Variants in FUBP3 observed in about 807,000 individuals in gnomAD.
FUBP3 encodes far upstream element binding protein 3, also known as far upstream element-binding protein 3.
Under a neutral mutation model 85.6 loss-of-function variants are expected in FUBP3, and 28 were observed. The ratio of observed to expected loss-of-function variants is 0.33; its 90% CI spans 0.24 to 0.45. The LOEUF (loss-of-function observed/expected upper bound fraction) is 0.45. Among genes scored for constraint, FUBP3 ranks in the 20% least tolerant of loss-of-function variants. The pLI is 1.00. For missense variants in FUBP3, 583 were observed against 755.1 expected (o/e 0.77, Z 2.67); for synonymous variants, 271 against 271.4 (o/e 1.00, Z 0.01).
At chr9:130,615,960 A>G (rs558281875) in intron 6 of FUBP3, among the ~76,000 whole-genome samples, 3 of 152,292 alleles carry the variant, frequency 2.0e-5, no homozygotes, top group Admixed American at 6.5e-5. Context: ...TAACAAATGT[A>G]TATATTGAGT....
chr9:130,612,882 A>G lies in FUBP3; in HGVS notation c.275-74A>G, dbSNP rs1344543491. 16 of 1,019,334 alleles carry G rather than the reference A, an allele frequency of 1.6e-5. No homozygotes were observed. The highest frequency in any genetic ancestry group is 3.6e-5 in the Admixed American group (2 of 56,118). 63.1% of individuals were successfully genotyped at this position (1,019,334 alleles called of 1,614,324 possible). On this transcript the variant is annotated intron_variant, in intron 4 of 18. Transcript: ENST00000319725. This position sits in a 1 kb window ranked among gnomAD's most constrained non-coding sequence, Gnocchi z 4.1. ...TGAGCCAAGTGTCACAGTTTGTGGA[A>G]TTAATTCAGTCATTCCTGCGTGGTG...
chr9:130,635,702 G>A lies in FUBP3; in HGVS notation c.1583-297G>A, dbSNP rs1830389645. Among the ~76,000 whole-genome samples, 1 of 148,610 alleles carries A rather than the reference G, an allele frequency of 6.7e-6. No homozygotes were observed. Among genetic ancestry groups the A allele is most frequent in the Non-Finnish European group, 1.5e-5 (1 of 67,388 alleles). On this transcript the variant is annotated intron_variant, in intron 17 of 18. Transcript: ENST00000319725. The surrounding 1 kb of genome is among the most constrained non-coding windows in gnomAD (Gnocchi z 4.3). ...CCCCAGGATCCCCCCTTCTCTGTCT[G>A]TCACAGGGCCCTGGGAGCTGAAGGG... is the stretch of plus-strand genomic sequence containing the variant.
chr9:130,582,324 C>T (rs1428659975), intron 1 of FUBP3, among the ~76,000 whole-genome samples: 2 of 152,014 alleles, frequency 1.3e-5, no homozygotes, highest in Non-Finnish European at 2.9e-5. Flanking sequence ...TGGTGGCCCA[C>T]CCCTGCAGTC....
Position 130,612,164 on chromosome 9 carries a change from T to C in FUBP3, c.225-292T>C, listed in dbSNP as rs1019539966. Among the ~76,000 whole-genome samples, 1 of 152,088 alleles carries C rather than the reference T, an allele frequency of 6.6e-6. No individual in the cohort carries two copies. Among genetic ancestry groups the C allele is most frequent in the Non-Finnish European group, 1.5e-5 (1 of 68,018 alleles). ...GGCAGAATGAGGCAACACTGAGAGG[T>C]GCTGTATGAAGAAAAGGCAGCTGTT... On this transcript the variant is annotated intron_variant, in intron 3 of 18. Transcript: ENST00000319725. The surrounding 1 kb of genome is among the most constrained non-coding windows in gnomAD (Gnocchi z 4.1).
chr9:130,614,099 A>G (rs1208582573), intron 5 of FUBP3, among the ~76,000 whole-genome samples, 189 bp from the exon 6 acceptor site: 1 of 152,222 alleles, frequency 6.6e-6, no homozygotes, highest in East Asian at 1.9e-4. Flanking sequence ...ACTTGTTTCT[A>G]CTTCGAGAAT....
rs976082108 is a variant in FUBP3, at chr9:130,612,685, G to A, written c.274+180G>A. ...CTCTGAAATGCTGCAGGTCTCTTCA[G>A]GCTGAGGGAGAAACCAGAGCACTGG... On this transcript the variant is annotated intron_variant, in intron 4 of 18. Coordinates refer to ENST00000319725, the MANE Select transcript of FUBP3 (RefSeq NM_003934.2). The surrounding 1 kb of genome is among the most constrained non-coding windows in gnomAD (Gnocchi z 4.1). Among the ~76,000 whole-genome samples the A allele has an allele frequency of 1.3e-5, 2 of 152,134 alleles. No homozygotes were observed. The highest frequency in any genetic ancestry group is 2.9e-5 in the Non-Finnish European group (2 of 68,022).
chr9:130,608,879 G>A (rs1454409629), intron 2 of FUBP3, among the ~76,000 whole-genome samples: 2 of 152,194 alleles, frequency 1.3e-5, no homozygotes, highest in African/African-American at 2.4e-5. Flanking sequence ...ACAGCAGTGA[G>A]TTTGAGCACA....
rs112834021 is a variant in FUBP3, at chr9:130,627,235, T to C, written c.1117+730T>C. ...GGCCGAGGCTGTGGGGCCTTCCCAG[T>C]GTAGCAGCAGGGCTCGGCTTCCGTG... On this transcript the variant is annotated intron_variant, in intron 12 of 18. Coordinates refer to ENST00000319725, the MANE Select transcript of FUBP3 (RefSeq NM_003934.2). 6.1e-3 allele frequency among the ~76,000 whole-genome samples: 932 copies of C among 152,352 alleles called. 13 individuals are homozygous for C. Among genetic ancestry groups the C allele is most frequent in the African/African-American group, 0.021 (884 of 41,580 alleles).
At chr9:130,615,446 TC>T in intron 6 of FUBP3, among the ~76,000 whole-genome samples, 1 of 152,222 alleles carries the variant, frequency 6.6e-6, no homozygotes, top group Non-Finnish European at 1.5e-5. Context: ...TTCATTGTCT[TC>T]AGTGAGCAGC....
Position 130,634,686 on chromosome 9 carries a change from G to C in FUBP3, c.1530G>C (p.Gln510His). 6.2e-7 allele frequency: 1 copy of C among 1,613,908 alleles called. No homozygotes were observed. The highest frequency in any genetic ancestry group is 1.3e-5 in the African/African-American group (1 of 75,068). Residue 510 changes from glutamine (Q) to histidine (H), a missense_variant, in exon 17 of 19, where the codon CAG becomes CAC. Physicochemically the swap from Gln to His is conservative, Grantham distance 24 (BLOSUM62 0). Around this residue, in one of 3 missense-constraint regions of FUBP3, gnomAD observed 404 missense variants for 516.8 expected, o/e 0.78. Coordinates refer to ENST00000319725, the MANE Select transcript of FUBP3 (RefSeq NM_003934.2). Reference protein sequence around the residue: ...QQVPSQQSQPQSSQPNYSKAW... With the variant: ...QQVPSQQSQPHSSQPNYSKAW... The stretch of plus-strand genomic sequence containing the variant: ...GCACAGGCCAGCAGAGCCAGCCGCA[G>C]AGCAGCCAGCCCAACTACAGCAAGG...
Position 130,622,813 on chromosome 9 carries a change from G to A in FUBP3, c.874+3G>A, listed in dbSNP as rs1829812828. ...TGTGAGGATTCAGTTTAAACCAGGT[G>A]GGTATGATGATTTAAAAATCCTTAG... is the stretch of plus-strand genomic sequence containing the variant. On this transcript the variant is annotated splice_donor_region_variant and intron_variant, in intron 10 of 18. Transcript: ENST00000319725. 1.4e-6 allele frequency: 2 copies of A among 1,417,968 alleles called. No individual in the cohort carries two copies. The highest frequency in any genetic ancestry group is 1.9e-6 in the Non-Finnish European group (2 of 1,025,680). The allele number at this position is 1,417,968 out of a possible 1,614,324, so 87.8% of individuals were successfully genotyped here.
intron 6 of FUBP3, among the ~76,000 whole-genome samples, chr9:130,615,092 G>A (rs1172126232): frequency 6.6e-6 from 1 of 152,208 alleles, no homozygotes; most frequent in Non-Finnish European, 1.5e-5. Context: ...TTCTCAGGGA[G>A]TCTAGATGAG....
intron 12 of FUBP3, among the ~76,000 whole-genome samples, chr9:130,628,106 A>G (rs113454422): frequency 0.071 from 2,805 of 39,544 alleles, 33 homozygotes; most frequent in East Asian, 0.16. Context: ...ACGCACGCGC[A>G]CACACACACA....
chr9:130,589,705 A>ATATATATATATT (rs1414691549), intron 1 of FUBP3, among the ~76,000 whole-genome samples: 1 of 73,858 alleles, frequency 1.4e-5, no homozygotes, highest in African/African-American at 7.7e-5. Context: ...ATATATATAT[A>ATATATATATATT]TTTTTTTTTT....
At position 130,632,022 on chromosome 9, in the gene FUBP3, G is replaced by A; in HGVS notation, c.1433G>A (p.Ser478Asn). 6.2e-7 allele frequency: 1 copy of A among 1,608,330 alleles called. No individual in the cohort carries two copies. Among genetic ancestry groups the A allele is most frequent in the South Asian group, 1.1e-5 (1 of 90,954 alleles). ...GGGAACCCCCACAGCACCCCTGTGA[G>A]GTAGGTGACCTGCTGTGACTCAGTT... ...VNGNPHSTPV[S>N]GPPAFLTQGW... The change falls in exon 15 of 19, where the codon AGT becomes AAT. Residue 478 changes from serine (S) to asparagine (N), a missense_variant and splice_region_variant. This residue lies in a region of FUBP3 where 404 missense variants were observed against 516.8 expected (regional missense o/e 0.78). Coordinates refer to ENST00000319725, the MANE Select transcript of FUBP3 (RefSeq NM_003934.2).
At chr9:130,621,125 A>G (rs147976905) in intron 9 of FUBP3, among the ~76,000 whole-genome samples, 1 of 152,202 alleles carries the variant, frequency 6.6e-6, no homozygotes, top group Non-Finnish European at 1.5e-5. Context: ...CAAGTGGTTA[A>G]ATGATAAATA....
chr9:130,637,280 G>C lies in FUBP3; in HGVS notation c.*258G>C. On this transcript the variant is annotated 3_prime_UTR_variant, in exon 19 of 19. Coordinates refer to ENST00000319725, the MANE Select transcript of FUBP3 (RefSeq NM_003934.2). ...TTCTTTTTGGAGCAATACCTACAAA[G>C]TCAGGCACCAGAATGTGCCTCAGAG... 2.0e-6 allele frequency: 1 copy of C among 510,960 alleles called. No individual in the cohort carries two copies. Among genetic ancestry groups the C allele is most frequent in the South Asian group, 2.4e-5 (1 of 42,136 alleles). 31.7% of individuals were successfully genotyped at this position (510,960 alleles called of 1,614,324 possible).
intron 17 of FUBP3, among the ~76,000 whole-genome samples, 159 bp downstream of exon 17, chr9:130,634,897 T>G (rs561623130): frequency 6.6e-6 from 1 of 152,306 alleles, no homozygotes; most frequent in African/African-American, 2.4e-5. Flanking sequence ...CCTGCCTGCT[T>G]CTTTCTGTCA....
chr9:130,579,675 G>A lies in FUBP3; in HGVS notation c.-6G>A, dbSNP rs762963125. 7.2e-6 allele frequency: 9 copies of A among 1,249,610 alleles called. No homozygotes were observed. Among genetic ancestry groups the A allele is most frequent in the Middle Eastern group, 3.0e-4 (1 of 3,366 alleles). The allele number at this position is 1,249,610 out of a possible 1,614,324, so 77.4% of individuals were successfully genotyped here. ...GGCGGCGGCGGCGACGGCGGCGGGGGCGGTAATGGCGGAGCTGGTGCAGGG... is the reference window on the plus strand; with the variant it reads ...GGCGGCGGCGGCGACGGCGGCGGGGACGGTAATGGCGGAGCTGGTGCAGGG... On this transcript the variant is annotated 5_prime_UTR_variant, in exon 1 of 19. Transcript: ENST00000319725.
Sources: allele counts gnomAD v4.1 joint callset (sites outside exome capture counted in the v4.1 genomes callset), GRCh38; gene constraint gnomAD v4.1.1; regional missense constraint gnomAD v4.1.1; non-coding constraint Gnocchi (gnomAD v3.1); transcripts MANE v1.5; gene names NCBI Gene and HGNC (gene_info 2026-07-23, HGNC 2026-07-21).